The following UBR2 variants were observed in gnomAD, a reference collection of about 807,000 sequenced individuals.
UBR2 encodes E3 ubiquitin-protein ligase UBR2.
In UBR2, 92 loss-of-function variants were observed where a neutral mutation model predicts 247.9. The ratio of observed to expected loss-of-function variants is 0.37; its 90% CI spans 0.31 to 0.44. The LOEUF (loss-of-function observed/expected upper bound fraction) is 0.44, where lower values mean the gene tolerates loss of function less well. UBR2 is among the 20% of genes least tolerant of loss of function. The probability of loss-of-function intolerance (pLI) is 1.00; values close to 1 mark genes in which losing one functional copy is unlikely to be tolerated. For missense variants in UBR2, 1,613 were observed against 2,112.6 expected, an observed-to-expected ratio of 0.76 and a Z score of 4.64; for synonymous variants, 672 against 693.5, an observed-to-expected ratio of 0.97 and a Z score of 0.49.
chr6:42,619,925 TG>T, intron 11 of UBR2: 3 of 855,762 alleles, frequency 3.5e-6, no homozygotes, highest in Non-Finnish European at 4.2e-6. Context: ...TTTATATTTT[TG>T]ATGCTGTAGT....
chr6:42,663,179 A>G, intron 31 of UBR2, 79 bp from the exon 32 acceptor site: 1 of 1,201,876 alleles, frequency 8.3e-7, no homozygotes, highest in Non-Finnish European at 1.1e-6. Context: ...GAAACAAATT[A>G]TTTTAAATGT....
chr6:42,659,450 A>T lies in UBR2; in HGVS notation c.3243-206A>T, dbSNP rs1016754120. Among the ~76,000 whole-genome samples, 1 of 151,840 alleles carries T rather than the reference A, an allele frequency of 6.6e-6. No homozygotes were observed. Among genetic ancestry groups the T allele is most frequent in the South Asian group, 2.1e-4 (1 of 4,804 alleles). On this transcript the variant is annotated intron_variant, in intron 29 of 46. Transcript: ENST00000372901. This position sits in a 1 kb window ranked among gnomAD's most constrained non-coding sequence, Gnocchi z 4.3. ...TGCGAGGCGGAGGTTGCAGTGAGCC[A>T]AGATTGTGCCACTCACCCCAGCCTG... is the stretch of plus-strand genomic sequence containing the variant.
intron 11 of UBR2, among the ~76,000 whole-genome samples, chr6:42,630,133 CAGT>C (rs79492372): frequency 7.6e-4 from 113 of 148,984 alleles, no homozygotes; most frequent in African/African-American, 2.2e-3. Flanking sequence ...GTAGCAGTAG[CAGT>C]AGTAGTAGTA....
At position 42,666,231 on chromosome 6, in the gene UBR2, T is replaced by A; in HGVS notation, c.3867T>A (p.Pro1289=). The A allele has an allele frequency of 6.2e-7, 1 of 1,610,546 alleles. No individual in the cohort carries two copies. The highest frequency in any genetic ancestry group is 1.1e-5 in the South Asian group (1 of 90,128). ...TACAGCTCCCTGAAGGGTTCAGGCCTGATTTTCGTCCTAAGTGAGTATATT... is the reference window on the plus strand; with the variant it reads ...TACAGCTCCCTGAAGGGTTCAGGCCAGATTTTCGTCCTAAGTGAGTATATT... ...DELQLPEGFR[P]DFRPKIPYSE... Residue 1289 remains proline, a synonymous_variant, in exon 34 of 47, where the codon CCT becomes CCA. Coordinates refer to ENST00000372901, the MANE Select transcript of UBR2 (RefSeq NM_001363705.2).
chr6:42,564,473 TC>T, intron 1 of UBR2, 76 bp downstream of exon 1: 1 of 1,514,560 alleles, frequency 6.6e-7, no homozygotes, highest in South Asian at 1.2e-5. Context: ...CTCCTGGACG[TC>T]CTGGAGCAGC....
chr6:42,673,941 GT>G, intron 37 of UBR2, 54 bp downstream of exon 37: 1 of 1,461,652 alleles, frequency 6.8e-7, no homozygotes, highest in Non-Finnish European at 9.5e-7. Context: ...CTGAAATTTT[GT>G]TTTTAATGGT....
intron 8 of UBR2, 98 bp from the exon 9 acceptor site, chr6:42,614,973 C>T: frequency 2.1e-6 from 2 of 940,758 alleles, no homozygotes; most frequent in Non-Finnish European, 3.1e-6. Flanking sequence ...TTTAAGAAAA[C>T]ATTTAAAACT....
chr6:42,601,887 T>TAGTAGAGATGAGGTTTCACCCCA (rs1562298358), intron 4 of UBR2, among the ~76,000 whole-genome samples: 1 of 133,556 alleles, frequency 7.5e-6, no homozygotes, highest in South Asian at 2.5e-4. Flanking sequence ...TTTTTTTTTT[T>TAGTAGAGATGAGGTTTCACCCCA]TTGATGGAGT....
chr6:42,669,390 T>C (rs1038079424), intron 34 of UBR2, among the ~76,000 whole-genome samples: 2 of 152,204 alleles, frequency 1.3e-5, no homozygotes, highest in Non-Finnish European at 2.9e-5. Flanking sequence ...TTCTGAGAAT[T>C]TTTTATGTTG....
At chr6:42,586,858 G>A (rs926459339) in intron 2 of UBR2, among the ~76,000 whole-genome samples, 12 of 118,780 alleles carry the variant, frequency 1.0e-4, no homozygotes, top group African/African-American at 3.7e-4. Flanking sequence ...GTCTCACTCT[G>A]TCGCTGAGGC....
chr6:42,620,923 G>T (rs1562320666), intron 11 of UBR2, among the ~76,000 whole-genome samples: 1 of 152,020 alleles, frequency 6.6e-6, no homozygotes, highest in Non-Finnish European at 1.5e-5. Context: ...TCCTTCCTCG[G>T]CCTCCTGAGT....
At chr6:42,684,714 G>A (rs1799273104) in intron 43 of UBR2, 80 bp from the exon 44 acceptor site, 1 of 999,776 alleles carries the variant, frequency 1.0e-6, no homozygotes, top group Non-Finnish European at 1.5e-6. Context: ...GGCTAGGCAG[G>A]TATGTGCACA....
chr6:42,603,769 C>G, intron 5 of UBR2, 51 bp downstream of exon 5: 2 of 1,534,084 alleles, frequency 1.3e-6, no homozygotes, highest in Non-Finnish European at 1.7e-6. Context: ...TAAATTTTAA[C>G]TTTAACACAG....
chr6:42,606,045 C>G (rs1208533996), intron 6 of UBR2, among the ~76,000 whole-genome samples, 186 bp downstream of exon 6: 3 of 152,044 alleles, frequency 2.0e-5, no homozygotes, highest in African/African-American at 7.2e-5. Flanking sequence ...GAGTTCGAGA[C>G]CAGCCTGACT....
rs747552266 is a variant in UBR2, at chr6:42,612,323, A to G, written c.985+32A>G. 1.3e-5 allele frequency: 19 copies of G among 1,467,914 alleles called. No homozygotes were observed. The Admixed American group carries it at 2.7e-4, about 21-fold the overall frequency. The allele number at this position is 1,467,914 out of a possible 1,614,324, so 90.9% of individuals were successfully genotyped here. On this transcript the variant is annotated intron_variant, in intron 8 of 46. Coordinates refer to ENST00000372901, the MANE Select transcript of UBR2 (RefSeq NM_001363705.2). ...TCATAAAAGTTCATGCCAATTGTCT[A>G]TTAAAAATGAGCTCAATATGCTGTT...
chr6:42,614,375 T>TATATATGTGTGTACGTACATACATAC (rs70990112), intron 8 of UBR2, among the ~76,000 whole-genome samples: 1 of 69,752 alleles, frequency 1.4e-5, no homozygotes, highest in Non-Finnish European at 3.0e-5. Flanking sequence ...TGTGTATGTG[T>TATATATGTGTGTACGTACATACATAC]GTATATATGT....
chr6:42,627,892 C>G (rs1795454168), intron 11 of UBR2, among the ~76,000 whole-genome samples: 1 of 152,066 alleles, frequency 6.6e-6, no homozygotes, highest in African/African-American at 2.4e-5. Flanking sequence ...TGGCCTGCAC[C>G]CAGGAATGAA....
chr6:42,662,583 T>C (rs895159090), intron 31 of UBR2, among the ~76,000 whole-genome samples: 1 of 152,226 alleles, frequency 6.6e-6, no homozygotes, highest in Non-Finnish European at 1.5e-5. Context: ...AGAAGGGTAA[T>C]GTTGTCTTTC....
chr6:42,577,014 T>A (rs1456959090), intron 2 of UBR2, among the ~76,000 whole-genome samples: 1 of 152,186 alleles, frequency 6.6e-6, no homozygotes, highest in Non-Finnish European at 1.5e-5. Flanking sequence ...AGAGGGTTAG[T>A]GAGATCCTTT....
Sources: gnomAD v4.1 joint callset for allele counts (sites outside exome capture counted in the v4.1 genomes callset) on GRCh38, gnomAD v4.1.1 for gene constraint, Gnocchi (gnomAD v3.1) non-coding constraint, MANE v1.5 for transcripts, NCBI Gene and HGNC (gene_info 2026-07-23, HGNC 2026-07-21) for gene names.